The following ASAP1 variants were observed in gnomAD, a reference collection of about 807,000 sequenced individuals.
The protein encoded by ASAP1 is ArfGAP with SH3 domain, ankyrin repeat and PH domain 1.
In ASAP1, 43 loss-of-function variants were observed where a neutral mutation model predicts 145.2. That is an observed-to-expected ratio of 0.30 (90% CI 0.23 to 0.38). ASAP1 has a LOEUF of 0.38. ASAP1 is among the 10% of genes least tolerant of loss of function. ASAP1 has a pLI of 1.00. For missense variants in ASAP1, 1,018 were observed against 1,355.3 expected (o/e 0.75, Z 3.91); for synonymous variants, 546 against 515.5 (o/e 1.06, Z -0.80).
At chr8:130,227,418 A>AAT (rs1817648211) in intron 4 of ASAP1, among the ~76,000 whole-genome samples, 1 of 151,708 alleles carries the variant, frequency 6.6e-6, no homozygotes, top group African/African-American at 2.4e-5. Context: ...ATGCCCAGCT[A>AAT]ATTTTTTTTT....
intron 23 of ASAP1, 100 bp downstream of exon 23, chr8:130,115,528 A>C: frequency 3.8e-5 from 36 of 935,548 alleles, no homozygotes; most frequent in Middle Eastern, 2.2e-4. Context: ...TTGGATCATA[A>C]AACCACAATC....
intron 5 of ASAP1, among the ~76,000 whole-genome samples, chr8:130,208,141 C>A (rs1327922958): frequency 6.6e-6 from 1 of 152,058 alleles, no homozygotes; most frequent in African/African-American, 2.4e-5. Flanking sequence ...GTAGAGAGGT[C>A]CCTTGTACCC....
intron 27 of ASAP1, among the ~76,000 whole-genome samples, chr8:130,072,326 A>C (rs1306471504): frequency 2.6e-5 from 4 of 152,204 alleles, no homozygotes; most frequent in Non-Finnish European, 5.9e-5. Context: ...GAGATAATTG[A>C]ATCATGGGGG....
At chr8:130,069,742 G>C (rs1383781296) in intron 27 of ASAP1, 1 of 152,160 alleles carries the variant, frequency 6.6e-6, no homozygotes, top group Non-Finnish European at 1.5e-5. Flanking sequence ...CCAGTTTACT[G>C]TATTTCTTGC....
chr8:130,359,939 G>C (rs1826630715), intron 2 of ASAP1, among the ~76,000 whole-genome samples: 1 of 152,242 alleles, frequency 6.6e-6, no homozygotes, highest in Non-Finnish European at 1.5e-5. Flanking sequence ...GCACTGTTAA[G>C]CCTCACATCC....
intron 1 of ASAP1, among the ~76,000 whole-genome samples, chr8:130,428,867 T>C (rs1830043472): frequency 6.6e-6 from 1 of 152,248 alleles, no homozygotes; most frequent in East Asian, 1.9e-4. Context: ...AGTACCAAAA[T>C]TGGATGGCTT....
chr8:130,116,934 T>A lies in ASAP1; in HGVS notation c.1942A>T (p.Ser648Cys). The part of the protein sequence containing the change: ...NTVLHYCSMY[S>C]KPECLKLLLR... ...AAAAGCTTCAAACACTCAGGTTTAC[T>A]GTACATACTACAGTAGTGTAGAACT... Residue 648 changes from serine (S) to cysteine (C), a missense_variant, in exon 21 of 30, where the codon AGT (serine) becomes TGT (cysteine). Around this residue, in one of 9 missense-constraint regions of ASAP1, gnomAD observed 353 missense variants for 375.4 expected, o/e 0.94. Transcript: ENST00000518721. 8.7e-6 allele frequency: 14 copies of A among 1,614,116 alleles called. No individual in the cohort carries two copies. Among genetic ancestry groups the A allele is most frequent in the Non-Finnish European group, 1.2e-5 (14 of 1,179,994 alleles).
At chr8:130,229,441 T>G (rs181178854) in intron 4 of ASAP1, among the ~76,000 whole-genome samples, 5 of 152,164 alleles carry the variant, frequency 3.3e-5, no homozygotes, top group African/African-American at 1.2e-4. Context: ...GGAAAATGCA[T>G]TTTGAAATAG....
Position 130,208,956 on chromosome 8 carries a change from T to C in ASAP1, c.405+5600A>G, listed in dbSNP as rs143298362. Reference sequence around the variant, plus strand: ...AAAAAAGAGGTACAGACAAAAGGACTAGAAAGATAAACTCCAAGTGTCAAT... The same window carrying C: ...AAAAAAGAGGTACAGACAAAAGGACCAGAAAGATAAACTCCAAGTGTCAAT... On this transcript the variant is annotated intron_variant, in intron 5 of 29. Transcript: ENST00000518721. Among the ~76,000 whole-genome samples, 380 of 152,262 alleles carry C rather than the reference T, an allele frequency of 2.5e-3. 3 individuals are homozygous for C. The highest frequency in any genetic ancestry group is 0.022 in the South Asian group (104 of 4,822).
chr8:130,083,750 A>C (rs987916355), intron 25 of ASAP1: 14 of 152,216 alleles, frequency 9.2e-5, no homozygotes, highest in African/African-American at 3.1e-4. Context: ...TGGTCACTTC[A>C]AAGAATGGAC....
chr8:130,137,954 G>C (rs1426305288), intron 13 of ASAP1, among the ~76,000 whole-genome samples: 1 of 152,200 alleles, frequency 6.6e-6, no homozygotes, highest in Admixed American at 6.5e-5. Flanking sequence ...GGCTGTGCTC[G>C]AACACGAGAA....
intron 3 of ASAP1, among the ~76,000 whole-genome samples, chr8:130,309,633 G>C (rs1565194812): frequency 1.3e-5 from 2 of 152,226 alleles, no homozygotes. Context: ...CCACCGAGGA[G>C]TGCTATGCAG....
At chr8:130,227,258 G>C (rs1817637369) in intron 4 of ASAP1, among the ~76,000 whole-genome samples, 1 of 151,188 alleles carries the variant, frequency 6.6e-6, no homozygotes, top group African/African-American at 2.5e-5. Flanking sequence ...CTATTTTTTT[G>C]TGGTTTTTTT....
chr8:130,244,431 A>G (rs1818725144), intron 3 of ASAP1, among the ~76,000 whole-genome samples: 1 of 152,180 alleles, frequency 6.6e-6, no homozygotes, highest in African/African-American at 2.4e-5. Flanking sequence ...CAAAATGACC[A>G]CGTGGGTACA....
chr8:130,204,336 C>T (rs1368070693), intron 5 of ASAP1, among the ~76,000 whole-genome samples: 1 of 152,116 alleles, frequency 6.6e-6, no homozygotes, highest in African/African-American at 2.4e-5. Context: ...GTCCCTGGTG[C>T]CAAAAAGGTT....
intron 1 of ASAP1, among the ~76,000 whole-genome samples, chr8:130,439,833 G>A (rs1830434034): frequency 6.6e-6 from 1 of 152,214 alleles, no homozygotes; most frequent in Non-Finnish European, 1.5e-5. Flanking sequence ...TGGTAATAAT[G>A]TCTCTAGCCT....
intron 5 of ASAP1, among the ~76,000 whole-genome samples, chr8:130,197,427 A>C (rs1231938477): frequency 6.6e-6 from 1 of 152,114 alleles, no homozygotes; most frequent in Non-Finnish European, 1.5e-5. Context: ...AGACCTTTTG[A>C]GACAGAACAG....
chr8:130,401,750 A>G, intron 2 of ASAP1, 135 bp downstream of exon 2: 2 of 748,506 alleles, frequency 2.7e-6, no homozygotes, highest in South Asian at 3.9e-5. Context: ...GTTCTCCAAT[A>G]ACAATCGTGC....
At chr8:130,221,256 GA>G (rs1261822279) in intron 4 of ASAP1, among the ~76,000 whole-genome samples, 1 of 151,766 alleles carries the variant, frequency 6.6e-6, no homozygotes, top group Non-Finnish European at 1.5e-5. Context: ...AGAAAGGAAA[GA>G]AAAGAAAGAA....
Sources: gnomAD v4.1 joint callset for allele counts (sites outside exome capture counted in the v4.1 genomes callset) on GRCh38, gnomAD v4.1.1 for gene constraint, gnomAD v4.1.1 regional missense constraint, MANE v1.5 for transcripts, NCBI Gene and HGNC (gene_info 2026-07-23, HGNC 2026-07-21) for gene names.